The following ADGRB3 variants were observed in gnomAD, a reference collection of about 807,000 sequenced individuals.
The protein encoded by ADGRB3 is adhesion G protein-coupled receptor B3.
Under a neutral mutation model 193.4 loss-of-function variants are expected in ADGRB3, and 37 were observed. The observed-to-expected ratio is 0.19, with a 90% CI of 0.15 to 0.25. The LOEUF (loss-of-function observed/expected upper bound fraction) is 0.25. ADGRB3 is among the 10% of genes least tolerant of loss of function. ADGRB3 has a pLI of 1.00. For missense variants in ADGRB3, 1,637 were observed against 1,852.9 expected, an observed-to-expected ratio of 0.88 and a Z score of 2.14; for synonymous variants, 690 against 644.2, an observed-to-expected ratio of 1.07 and a Z score of -1.08.
intron 17 of ADGRB3, among the ~76,000 whole-genome samples, chr6:69,144,999 A>G (rs2150339100): frequency 6.6e-6 from 1 of 151,814 alleles, no homozygotes; most frequent in East Asian, 1.9e-4. Context: ...TTACCCTCAC[A>G]TCCTACATTG....
intron 3 of ADGRB3, among the ~76,000 whole-genome samples, chr6:68,715,689 T>A (rs1408041240): frequency 6.6e-6 from 1 of 151,834 alleles, no homozygotes; most frequent in African/African-American, 2.4e-5. Context: ...AATCATTCCA[T>A]TAGTTGCTTT....
chr6:68,992,836 T>G (rs968923876), intron 10 of ADGRB3, among the ~76,000 whole-genome samples: 36 of 152,166 alleles, frequency 2.4e-4, no homozygotes, highest in Non-Finnish European at 5.0e-4. Flanking sequence ...GATGGGAAAT[T>G]GGTAATTGCA....
At position 68,635,836 on chromosome 6, in the gene ADGRB3, G is replaced by C. The variant is rs1009255052; in HGVS notation, c.-352G>C. ...TCCCACCCCCCACCTTTTGCTTTTCGTATGTATGCATTTTTAAAAATAAAT... is the reference window on the plus strand; with the variant it reads ...TCCCACCCCCCACCTTTTGCTTTTCCTATGTATGCATTTTTAAAAATAAAT... On this transcript the variant is annotated 5_prime_UTR_variant, in exon 1 of 32. Coordinates refer to ENST00000370598, the MANE Select transcript of ADGRB3 (RefSeq NM_001704.3). 1 of 151,950 alleles carries C rather than the reference G, an allele frequency of 6.6e-6. No individual in the cohort carries two copies. Among genetic ancestry groups the C allele is most frequent in the African/African-American group, 2.4e-5 (1 of 40,892 alleles). 9.4% of individuals were successfully genotyped at this position (151,950 alleles called of 1,614,324 possible). A position where few individuals can be genotyped will look rare whatever the true frequency, so the allele number is the denominator to read the frequency against.
chr6:68,772,894 A>AAAATATATATAT (rs1466813173), intron 3 of ADGRB3, among the ~76,000 whole-genome samples: 3 of 22,876 alleles, frequency 1.3e-4, no homozygotes, highest in African/African-American at 5.9e-4. Context: ...AAAAAAAAAA[A>AAAATATATATAT]ATATATATAT....
chr6:68,767,390 G>A (rs1766529981), intron 3 of ADGRB3, among the ~76,000 whole-genome samples: 1 of 152,086 alleles, frequency 6.6e-6, no homozygotes, highest in South Asian at 2.1e-4. Flanking sequence ...TTCAACATAT[G>A]CAAATCATTA....
chr6:68,736,019 T>C (rs971747248), intron 3 of ADGRB3, among the ~76,000 whole-genome samples: 2 of 152,074 alleles, frequency 1.3e-5, no homozygotes, highest in Non-Finnish European at 2.9e-5. Flanking sequence ...TATTTCATTG[T>C]TGTTGATTTA....
intron 27 of ADGRB3, 54 bp downstream of exon 27, chr6:69,354,382 T>C (rs1216738399): frequency 6.9e-7 from 1 of 1,454,014 alleles, no homozygotes; most frequent in Non-Finnish European, 9.7e-7. Context: ...CTCAAGGGAA[T>C]AAAAGAAATC....
chr6:68,965,516 G>A lies in ADGRB3; in HGVS notation c.1525+8707G>A, dbSNP rs184096270. Among the ~76,000 whole-genome samples the A allele has an allele frequency of 3.7e-3, 567 of 152,070 alleles. 7 individuals carry two copies. The highest frequency in any genetic ancestry group is 5.0e-3 in the Non-Finnish European group (337 of 67,998). Reference sequence around the variant, plus strand: ...ATTTCTTTTTAATGCTGAAATTCTAGCATATGGGGTAAAAACTAATTTTCC... The same window carrying A: ...ATTTCTTTTTAATGCTGAAATTCTAACATATGGGGTAAAAACTAATTTTCC... On this transcript the variant is annotated intron_variant, in intron 8 of 31. Coordinates refer to ENST00000370598, the MANE Select transcript of ADGRB3 (RefSeq NM_001704.3).
intron 17 of ADGRB3, among the ~76,000 whole-genome samples, chr6:69,180,481 G>C (rs1775550322): frequency 6.6e-6 from 1 of 152,150 alleles, no homozygotes; most frequent in African/African-American, 2.4e-5. Flanking sequence ...TAGGAAGGGT[G>C]GGGCAGCTCA....
intron 17 of ADGRB3, among the ~76,000 whole-genome samples, chr6:69,086,805 T>C (rs767603858): frequency 3.3e-5 from 5 of 152,158 alleles, no homozygotes; most frequent in Non-Finnish European, 5.9e-5. Flanking sequence ...GTGGTATTAT[T>C]AGTTTAATGT....
chr6:69,352,571 T>C (rs1471388285), intron 26 of ADGRB3, among the ~76,000 whole-genome samples: 7 of 152,174 alleles, frequency 4.6e-5, no homozygotes, highest in Admixed American at 1.3e-4. Flanking sequence ...GCCACATCAG[T>C]AGGATTAGGA....
rs548693852 is a variant in ADGRB3 at position 69,252,894 on chromosome 6, A to T, written c.2814+13668A>T. 3.3e-5 allele frequency among the ~76,000 whole-genome samples: 5 copies of T among 151,980 alleles called. No individual in the cohort carries two copies. The South Asian group carries it at 6.2e-4, about 19-fold the overall frequency. On this transcript the variant is annotated intron_variant, in intron 20 of 31. Coordinates refer to ENST00000370598, the MANE Select transcript of ADGRB3 (RefSeq NM_001704.3). ...TAAAAATGTTTTTCTATATTATCTT[A>T]TCTATATTCTAAGTTTTCCCTTGTC...
At position 69,191,937 on chromosome 6, in the gene ADGRB3, A is replaced by C. The variant is rs147749747; in HGVS notation, c.2481-41353A>C. ...CTGTTTATGTAATTCTAGAGTAGGCAATTAAAAACTAGACTGAGGGGAGTG... is the reference window on the plus strand; with the variant it reads ...CTGTTTATGTAATTCTAGAGTAGGCCATTAAAAACTAGACTGAGGGGAGTG... On this transcript the variant is annotated intron_variant, in intron 17 of 31. Coordinates refer to ENST00000370598, the MANE Select transcript of ADGRB3 (RefSeq NM_001704.3). 2.0e-5 allele frequency among the ~76,000 whole-genome samples: 3 copies of C among 152,252 alleles called. No individual in the cohort carries two copies. In the East Asian group the frequency reaches 5.8e-4, roughly 29 times the overall value.
chr6:69,172,659 AAAAAAAAAAAAAAG>A (rs1172746289), intron 17 of ADGRB3, among the ~76,000 whole-genome samples: 8 of 147,438 alleles, frequency 5.4e-5, no homozygotes, highest in Admixed American at 3.4e-4. Flanking sequence ...AAAAAAAAAA[AAAAAAAAAAAAAAG>A]AGAAATAAAG....
At chr6:69,003,481 CT>C (rs1769645907) in intron 11 of ADGRB3, among the ~76,000 whole-genome samples, 2 of 152,136 alleles carry the variant, frequency 1.3e-5, no homozygotes, top group African/African-American at 2.4e-5. Flanking sequence ...AGAAAAATTG[CT>C]TCAATCAATA....
At chr6:69,020,697 G>A (rs1770237758) in intron 13 of ADGRB3, among the ~76,000 whole-genome samples, 1 of 151,882 alleles carries the variant, frequency 6.6e-6, no homozygotes, top group Non-Finnish European at 1.5e-5. Flanking sequence ...TATGTTCTGT[G>A]AGTAAAAATT....
chr6:69,122,463 A>AGGGAGGGGGGGAGGGGGAG (rs1773735097), intron 17 of ADGRB3, among the ~76,000 whole-genome samples: 1 of 51,594 alleles, frequency 1.9e-5, no homozygotes, highest in African/African-American at 7.6e-5. Flanking sequence ...GATAAGGGAG[A>AGGGAGGGGGGGAGGGGGAG]GGGAGAGGGG....
In ADGRB3 at chr6:69,382,919, C is replaced by T; in HGVS notation, c.4364C>T (p.Pro1455Leu). ...FQTLDRFRDIPNTSSMENPAP... is the reference protein window; with the variant it reads ...FQTLDRFRDILNTSSMENPAP... ...ACTTTGGACAGATTTCGGGATATACCAAATACAAGCAGTATGGTAAGTATG... is the reference window on the plus strand; with the variant it reads ...ACTTTGGACAGATTTCGGGATATACTAAATACAAGCAGTATGGTAAGTATG... The change falls in exon 31 of 32, where the codon CCA (proline) becomes CTA (leucine). Residue 1455 changes from proline to leucine, a missense_variant. Pro to Leu is a moderately conservative substitution (Grantham distance 98). Around this residue, in one of 7 missense-constraint regions of ADGRB3, gnomAD observed 368 missense variants for 367.4 expected, o/e 1.00. Transcript: ENST00000370598. 6.2e-7 allele frequency: 1 copy of T among 1,601,114 alleles called. No homozygotes were observed. The highest frequency in any genetic ancestry group is 8.5e-7 in the Non-Finnish European group (1 of 1,170,914).
rs116714990 is a variant in ADGRB3, at chr6:69,245,287, C to T, written c.2814+6061C>T. Among the ~76,000 whole-genome samples the T allele has an allele frequency of 2.7e-3, 406 of 152,168 alleles. 1 individual carries two copies. The highest frequency in any genetic ancestry group is 9.6e-3 in the African/African-American group (399 of 41,548). ...TGATGGAACAAAAATTCAAATCTGA[C>T]CACTCGATTTCTCTATGTAACATTT... On this transcript the variant is annotated intron_variant, in intron 20 of 31. Transcript: ENST00000370598.
Sources: allele counts gnomAD v4.1 joint callset (sites outside exome capture counted in the v4.1 genomes callset), GRCh38; gene constraint gnomAD v4.1.1; regional missense constraint gnomAD v4.1.1; transcripts MANE v1.5; gene names NCBI Gene and HGNC (gene_info 2026-07-23, HGNC 2026-07-21).